The following RECQL variants were observed in gnomAD, a reference collection of about 807,000 sequenced individuals.
RECQL encodes the protein ATP-dependent DNA helicase Q1.
A neutral mutation model predicts 75.8 loss-of-function variants in RECQL; 73 were observed. The ratio of observed to expected loss-of-function variants is 0.96; its 90% CI spans 0.80 to 1.17. The LOEUF is 1.17. Among genes scored for constraint, RECQL ranks in the 50% most tolerant of loss-of-function variants. The pLI is 0.00. For synonymous variants in RECQL, 248 were observed against 254.4 expected, an observed-to-expected ratio of 0.97 and a Z score of 0.24; for missense variants, 699 against 772.1, an observed-to-expected ratio of 0.91 and a Z score of 1.12.
rs1442442109 is a variant in RECQL at position 21,491,590 on chromosome 12, T to C, written c.143A>G (p.Gln48Arg). The change falls in exon 3 of 15, where the codon CAG becomes CGG. Residue 48 changes from glutamine to arginine, a missense_variant. Transcript: ENST00000444129. The part of the protein sequence containing the change: ...KKKVLTKKIK[Q>R]CLEDSDAGAS... Reference sequence around the variant, plus strand: ...CCCGGCATCAGAATCCTCTAAACACTGCTTTATTTTCTTTGTCAGGACTTT... The same window carrying C: ...CCCGGCATCAGAATCCTCTAAACACCGCTTTATTTTCTTTGTCAGGACTTT... The C allele has an allele frequency of 1.9e-6, 3 of 1,613,868 alleles. No homozygotes were observed. The highest frequency in any genetic ancestry group is 1.7e-5 in the Admixed American group (1 of 60,006).
rs71581963 is a variant in RECQL at position 21,501,558 on chromosome 12, C to T, written c.-434G>A. 0.028 allele frequency: 7,521 copies of T among 265,574 alleles called. 138 individuals carry two copies. Among genetic ancestry groups the T allele is most frequent in the Non-Finnish European group, 0.039 (5,351 of 135,484 alleles). 16.5% of individuals were successfully genotyped at this position (265,574 alleles called of 1,614,324 possible). Reference sequence around the variant, plus strand: ...TCTCCGACTCTCGGATCTCCGACACCAAAGCACCCAGGCCTCGAGCAGATC... The same window carrying T: ...TCTCCGACTCTCGGATCTCCGACACTAAAGCACCCAGGCCTCGAGCAGATC... On this transcript the variant is annotated 5_prime_UTR_variant, in exon 1 of 15. Transcript: ENST00000444129.
At chr12:21,498,632 T>C (rs1421681797) in intron 2 of RECQL, among the ~76,000 whole-genome samples, 1 of 152,202 alleles carries the variant, frequency 6.6e-6, no homozygotes, top group Non-Finnish European at 1.5e-5. Flanking sequence ...AGATAGCTAC[T>C]ACACTATAGG....
rs1942893499 is a variant in RECQL, at chr12:21,469,977, T to A, written c.*217A>T. 2 of 538,746 alleles carry A rather than the reference T, an allele frequency of 3.7e-6. No homozygotes were observed. Among genetic ancestry groups the A allele is most frequent in the East Asian group, 8.1e-5 (2 of 24,562 alleles). The allele number at this position is 538,746 out of a possible 1,614,324, so 33.4% of individuals were successfully genotyped here. ...ACATTTAAAGGGTTTTACATAAAAATTTTTCCCTTGTTTTATACTGGAAAA... is the reference window on the plus strand; with the variant it reads ...ACATTTAAAGGGTTTTACATAAAAAATTTTCCCTTGTTTTATACTGGAAAA... On this transcript the variant is annotated 3_prime_UTR_variant, in exon 15 of 15. Coordinates refer to ENST00000444129, the MANE Select transcript of RECQL (RefSeq NM_002907.4).
At chr12:21,500,315 T>G (rs1052175110) in intron 1 of RECQL, among the ~76,000 whole-genome samples, 7 of 152,172 alleles carry the variant, frequency 4.6e-5, no homozygotes, top group African/African-American at 1.4e-4. Context: ...AACCTAAGCA[T>G]GCATATGGAC....
At chr12:21,472,063 C>T (rs1942981339) in intron 12 of RECQL, among the ~76,000 whole-genome samples, 1 of 151,912 alleles carries the variant, frequency 6.6e-6, no homozygotes, top group Non-Finnish European at 1.5e-5. Flanking sequence ...ATTAAGAGAC[C>T]AGTACTCTGA....
At chr12:21,477,106 T>G (rs1943102522) in intron 7 of RECQL, 114 bp from the exon 8 acceptor site, 1 of 639,016 alleles carries the variant, frequency 1.6e-6, no homozygotes, top group Non-Finnish European at 2.5e-6. Context: ...TTTTTCCTAT[T>G]ACTCTTTCAC....
intron 4 of RECQL, among the ~76,000 whole-genome samples, chr12:21,488,890 C>T (rs769142067): frequency 2.0e-5 from 3 of 152,230 alleles, no homozygotes; most frequent in African/African-American, 4.8e-5. Context: ...TGTCTTACCA[C>T]TGACTGCCAC....
At chr12:21,485,290 T>A in intron 5 of RECQL, among the ~76,000 whole-genome samples, 1 of 139,110 alleles carries the variant, frequency 7.2e-6, no homozygotes. Context: ...CAGTTACCTA[T>A]GTAACAAACC....
Position 21,477,923 on chromosome 12 carries a change from T to A in RECQL, c.747A>T (p.Ser249=). 1 of 1,613,710 alleles carries A rather than the reference T, an allele frequency of 6.2e-7. No individual in the cohort carries two copies. Among genetic ancestry groups the A allele is most frequent in the African/African-American group, 1.3e-5 (1 of 75,052 alleles). ...GILKRQFPNA[S]LIGLTATATN... ...TTGCAGTTGCAGTCAGCCCAATTAG[T>A]GATGCGTTAGGGAACTGCCGCTTTA... Residue 249 remains serine (S), a synonymous_variant, in exon 7 of 15, where the codon TCA becomes TCT. Transcript: ENST00000444129.
intron 2 of RECQL, among the ~76,000 whole-genome samples, chr12:21,495,224 A>C (rs1485092262): frequency 6.6e-6 from 1 of 152,196 alleles, no homozygotes; most frequent in East Asian, 1.9e-4. Flanking sequence ...GGACTCAACC[A>C]CACAGCTAAA....
intron 4 of RECQL, among the ~76,000 whole-genome samples, chr12:21,488,683 A>G (rs1469416137): frequency 6.6e-6 from 1 of 152,006 alleles, no homozygotes; most frequent in East Asian, 1.9e-4. Flanking sequence ...ATCATTCTTG[A>G]CTCTTCTTTC....
chr12:21,484,754 GAT>G (rs34914517), intron 5 of RECQL, among the ~76,000 whole-genome samples: 13 of 149,204 alleles, frequency 8.7e-5, no homozygotes, highest in Admixed American at 1.3e-4. Context: ...TATACATATT[GAT>G]ATATATATAT....
chr12:21,484,113 A>G (rs536156641), intron 5 of RECQL, among the ~76,000 whole-genome samples: 1 of 152,254 alleles, frequency 6.6e-6, no homozygotes, highest in African/African-American at 2.4e-5. Context: ...ATAATAATAA[A>G]TCTTAAAAGG....
rs143533556 is a variant in RECQL, at chr12:21,476,796, G to A, written c.949+115C>T. 1,918 of 537,446 alleles carry A rather than the reference G, an allele frequency of 3.6e-3. 37 individuals are homozygous for A. The highest frequency in any genetic ancestry group is 4.4e-4 in the Non-Finnish European group (138 of 314,180). The allele number at this position is 537,446 out of a possible 1,614,324, so 33.3% of individuals were successfully genotyped here. A position where few individuals can be genotyped will look rare whatever the true frequency, so the allele number is the denominator to read the frequency against. ...TATCACGTATTTTCAAGTATCTTCTGCTATACATTAATTTTTTTTGGTGTT... is the reference window on the plus strand; with the variant it reads ...TATCACGTATTTTCAAGTATCTTCTACTATACATTAATTTTTTTTGGTGTT... On this transcript the variant is annotated intron_variant, in intron 8 of 14. Transcript: ENST00000444129.
At position 21,477,987 on chromosome 12, in the gene RECQL, G is replaced by A. The variant is rs71581966; in HGVS notation, c.701-18C>T. Reference sequence around the variant, plus strand: ...CTTATAATCTGAAAAAACAAACAAAGTGGCCCTTTTTCTATCCTTTAAGAG... The same window carrying A: ...CTTATAATCTGAAAAAACAAACAAAATGGCCCTTTTTCTATCCTTTAAGAG... On this transcript the variant is annotated intron_variant, in intron 6 of 14. Transcript: ENST00000444129. 75 of 1,586,714 alleles carry A rather than the reference G, an allele frequency of 4.7e-5. 4 individuals carry two copies. In the Middle Eastern group the frequency reaches 7.6e-3, roughly 160 times the overall value.
intron 2 of RECQL, 31 bp downstream of exon 2, chr12:21,499,520 AGAAG>A (rs1460673710): frequency 6.5e-7 from 1 of 1,535,280 alleles, no homozygotes; most frequent in Admixed American, 2.0e-5. Context: ...GAAATAGAAC[AGAAG>A]GAAGAAGAAA....
At chr12:21,485,590 T>A (rs1041756872) in intron 5 of RECQL, among the ~76,000 whole-genome samples, 1 of 152,166 alleles carries the variant, frequency 6.6e-6, no homozygotes, top group African/African-American at 2.4e-5. Context: ...GAATTTTTTT[T>A]ATAATTCTAA....
chr12:21,490,359 T>A lies in RECQL; in HGVS notation c.234A>T (p.Lys78Asn). The A allele has an allele frequency of 6.2e-7, 1 of 1,609,698 alleles. No homozygotes were observed. Among genetic ancestry groups the A allele is most frequent in the Non-Finnish European group, 8.5e-7 (1 of 1,177,038 alleles). ...WNKEDFPWSG[K>N]VKDILQNVFK... ...AGACATTTTGCAGAATATCTTTAAC[T>A]TTACCAGACCATGGAAAATCTAGGA... The change falls in exon 4 of 15, where the codon AAA becomes AAT. Residue 78 changes from lysine (K) to asparagine (N), a missense_variant. Lys to Asn is a moderately conservative substitution (Grantham distance 94). Coordinates refer to ENST00000444129, the MANE Select transcript of RECQL (RefSeq NM_002907.4).
At chr12:21,472,785 G>A (rs969578808) in intron 12 of RECQL, among the ~76,000 whole-genome samples, 4 of 151,992 alleles carry the variant, frequency 2.6e-5, no homozygotes, top group African/African-American at 4.8e-5. Context: ...GTAAATCTCC[G>A]ATGACTAGCC....
Sources: gnomAD v4.1 joint callset for allele counts (sites outside exome capture counted in the v4.1 genomes callset) on GRCh38, gnomAD v4.1.1 for gene constraint, MANE v1.5 for transcripts, NCBI Gene and HGNC (gene_info 2026-07-23, HGNC 2026-07-21) for gene names.